Variants in PRRC2C observed in about 807,000 individuals in gnomAD.
PRRC2C encodes proline rich coiled-coil 2C.
Under a neutral mutation model 317.2 loss-of-function variants are expected in PRRC2C, and 72 were observed. That is an observed-to-expected ratio of 0.23 (90% CI 0.19 to 0.28). The LOEUF is 0.28. Ranked by LOEUF, PRRC2C falls within the 10% of genes least tolerant of loss-of-function variation. The pLI is 1.00. For missense variants in PRRC2C, 3,074 were observed against 3,459.7 expected (o/e 0.89, Z 2.80); for synonymous variants, 1,296 against 1,205.9 (o/e 1.07, Z -1.55).
intron 6 of PRRC2C, among the ~76,000 whole-genome samples, chr1:171,518,504 T>A (rs199740375): frequency 9.6e-6 from 1 of 104,176 alleles, no homozygotes; most frequent in South Asian, 3.4e-4. Flanking sequence ...ATTTTTTTTT[T>A]TTTTTTTTTT....
At chr1:171,588,866 A>G (rs181441846) in intron 33 of PRRC2C, among the ~76,000 whole-genome samples, 1 of 152,322 alleles carries the variant, frequency 6.6e-6, no homozygotes, top group Non-Finnish European at 1.5e-5. Flanking sequence ...ATTTATGTGC[A>G]ATTGAGATAA....
At chr1:171,589,231 A>C (rs886565348) in intron 33 of PRRC2C, 138 bp from the exon 34 acceptor site, 4 of 398,660 alleles carry the variant, frequency 1.0e-5, no homozygotes, top group African/African-American at 8.5e-5. Context: ...ATGGAATGGC[A>C]CAATCTGTAC....
Position 171,543,318 on chromosome 1 carries a change from G to A in PRRC2C, c.4763+1089G>A, listed in dbSNP as rs1462714087. On this transcript the variant is annotated intron_variant, in intron 16 of 34. Coordinates refer to ENST00000647382, the MANE Select transcript of PRRC2C (RefSeq NM_001387844.1). ...AGCCTGGGCCACAGAGCGAGACTCC[G>A]TCTCAAAAAAAAAAAAAAAAAAGTT... Among the ~76,000 whole-genome samples, 8 of 143,994 alleles carry A rather than the reference G, an allele frequency of 5.6e-5. 1 individual carries two copies. The highest frequency in any genetic ancestry group is 4.4e-4 in the South Asian group (2 of 4,566). 94.5% of individuals were successfully genotyped at this position (143,994 alleles called of 152,430 possible).
In PRRC2C at chr1:171,591,950, A is replaced by G; in HGVS notation, c.*103A>G. ...AAGGGGCAAAATGGCCTGTGACATT[A>G]TCCTGTTCAGAGCTTGGAGATGTAC... On this transcript the variant is annotated 3_prime_UTR_variant, in exon 35 of 35. Coordinates refer to ENST00000647382, the MANE Select transcript of PRRC2C (RefSeq NM_001387844.1). The G allele has an allele frequency of 1.4e-6, 2 of 1,420,614 alleles. No individual in the cohort carries two copies. The highest frequency in any genetic ancestry group is 9.6e-7 in the Non-Finnish European group (1 of 1,044,142). The allele number at this position is 1,420,614 out of a possible 1,614,324, so 88.0% of individuals were successfully genotyped here. A position where few individuals can be genotyped will look rare whatever the true frequency, so the allele number is the denominator to read the frequency against.
chr1:171,558,730 A>C (rs1342389935), intron 19 of PRRC2C, among the ~76,000 whole-genome samples: 1 of 87,624 alleles, frequency 1.1e-5, no homozygotes, highest in Non-Finnish European at 2.6e-5. Context: ...CTATTCTTTA[A>C]GAACACAACA....
chr1:171,540,152 G>A lies in PRRC2C; in HGVS notation c.2686G>A (p.Ala896Thr), dbSNP rs894001510. Residue 896 changes from alanine (A) to threonine (T), a missense_variant, in exon 16 of 35, where the codon GCT (alanine) becomes ACT (threonine). Around this residue, in one of 11 missense-constraint regions of PRRC2C, gnomAD observed 1,320 missense variants for 1,395.7 expected, o/e 0.95. Coordinates refer to ENST00000647382, the MANE Select transcript of PRRC2C (RefSeq NM_001387844.1). ...CCATACTGATGCAAATAATCAGTCT[G>A]CTTGTTTTGAAGCACCTGATCAAAA... Reference protein sequence around the residue: ...PHHTDANNQSACFEAPDQKTL... With the variant: ...PHHTDANNQSTCFEAPDQKTL... 3 of 1,613,896 alleles carry A rather than the reference G, an allele frequency of 1.9e-6. No homozygotes were observed. Among genetic ancestry groups the A allele is most frequent in the African/African-American group, 1.3e-5 (1 of 75,026 alleles).
chr1:171,488,519 G>A (rs1666540156), intron 1 of PRRC2C, among the ~76,000 whole-genome samples: 1 of 152,244 alleles, frequency 6.6e-6, no homozygotes. Context: ...TTAAGAGACA[G>A]ACCTAACTCT....
chr1:171,557,773 C>G lies in PRRC2C; in HGVS notation c.5661C>G (p.Ala1887=). The G allele has an allele frequency of 6.4e-7, 1 of 1,550,832 alleles. No individual in the cohort carries two copies. The highest frequency in any genetic ancestry group is 8.7e-7 in the Non-Finnish European group (1 of 1,146,510). Residue 1887 remains alanine (A), a synonymous_variant, in exon 19 of 35, where the codon GCC becomes GCG. Coordinates refer to ENST00000647382, the MANE Select transcript of PRRC2C (RefSeq NM_001387844.1). ...CCCCAGCAGCCTCTTCCCCAGCTGCCCCAGTCATCACAGCACCAACTATCC... is the reference window on the plus strand; with the variant it reads ...CCCCAGCAGCCTCTTCCCCAGCTGCGCCAGTCATCACAGCACCAACTATCC... The part of the protein sequence containing the change: ...TPAPAASSPA[A]PVITAPTIPA...
At chr1:171,585,947 C>T (rs1328966299) in intron 30 of PRRC2C, among the ~76,000 whole-genome samples, 1 of 151,460 alleles carries the variant, frequency 6.6e-6, no homozygotes, top group Non-Finnish European at 1.5e-5. Flanking sequence ...TTGTTTCATA[C>T]ATACTTTATA....
chr1:171,566,355 C>G lies in PRRC2C; in HGVS notation c.6240C>G (p.Asp2080Glu), dbSNP rs1386657600. ...CTGTGCTTTCGGAAAAATCTGCTGA[C>G]AAAATACCTGAACCTAAAGAACAGC... The part of the protein sequence containing the change: ...VVPVLSEKSA[D>E]KIPEPKEQRQ... The change falls in exon 21 of 35, where the codon GAC becomes GAG. Residue 2080 changes from aspartate to glutamate, a missense_variant. Around this residue, in one of 11 missense-constraint regions of PRRC2C, gnomAD observed 640 missense variants for 676.1 expected, o/e 0.95. Coordinates refer to ENST00000647382, the MANE Select transcript of PRRC2C (RefSeq NM_001387844.1). The G allele has an allele frequency of 1.3e-6, 2 of 1,597,934 alleles. No individual in the cohort carries two copies. Among genetic ancestry groups the G allele is most frequent in the East Asian group, 2.3e-5 (1 of 44,400 alleles).
At position 171,591,582 on chromosome 1, in the gene PRRC2C, T is replaced by C. The variant is rs767303304; in HGVS notation, c.8437-5T>C. On this transcript the variant is annotated splice_region_variant and splice_polypyrimidine_tract_variant and intron_variant, in intron 34 of 34. Transcript: ENST00000647382. ...ATTTTCAGTTGTTCTTTCTCATTTT[T>C]TAAGGCAAAGCAGAGAGCAGAGGTT... is the stretch of plus-strand genomic sequence containing the variant. 6.2e-7 allele frequency: 1 copy of C among 1,607,976 alleles called. No individual in the cohort carries two copies. The highest frequency in any genetic ancestry group is 8.5e-7 in the Non-Finnish European group (1 of 1,175,778).
chr1:171,583,379 A>G (rs1004548158), intron 28 of PRRC2C, among the ~76,000 whole-genome samples: 1 of 146,940 alleles, frequency 6.8e-6, no homozygotes, highest in African/African-American at 2.5e-5. Context: ...AGGCTAGGCT[A>G]CGCAGGGCTA....
intron 10 of PRRC2C, among the ~76,000 whole-genome samples, chr1:171,526,683 A>G (rs1015661227): frequency 6.6e-6 from 1 of 152,096 alleles, no homozygotes; most frequent in African/African-American, 2.4e-5. Context: ...CCTTACTGAA[A>G]TAGCAGAGTG....
At chr1:171,565,419 C>A (rs1159271427) in intron 20 of PRRC2C, among the ~76,000 whole-genome samples, 1 of 152,132 alleles carries the variant, frequency 6.6e-6, no homozygotes. Context: ...ATCTGATTAG[C>A]ACAAAGAAGA....
Position 171,576,777 on chromosome 1 carries a change from C to G in PRRC2C, c.6956-657C>G, listed in dbSNP as rs533391676. 5.3e-5 allele frequency among the ~76,000 whole-genome samples: 8 copies of G among 152,186 alleles called. No individual in the cohort carries two copies. The East Asian group carries it at 1.5e-3, about 29-fold the overall frequency. The stretch of plus-strand genomic sequence containing the variant: ...ATGTCATCACTGTTCACTGCAGCCT[C>G]AAACTCCTGGGTTCAAGCAATCCTT... On this transcript the variant is annotated intron_variant, in intron 25 of 34. Coordinates refer to ENST00000647382, the MANE Select transcript of PRRC2C (RefSeq NM_001387844.1).
chr1:171,493,042 G>T (rs996810630), intron 1 of PRRC2C, among the ~76,000 whole-genome samples: 1 of 151,460 alleles, frequency 6.6e-6, no homozygotes, highest in Non-Finnish European at 1.5e-5. Context: ...GAGCCACTGC[G>T]CCTGGCCGGG....
Position 171,532,697 on chromosome 1 carries a change from A to G in PRRC2C, c.1609A>G (p.Arg537Gly). 1 of 1,551,196 alleles carries G rather than the reference A, an allele frequency of 6.4e-7. No individual in the cohort carries two copies. Among genetic ancestry groups the G allele is most frequent in the Non-Finnish European group, 8.7e-7 (1 of 1,146,968 alleles). ...GCGAGAGAAGGAGAGGGAAAAAGACAGAGAGAGACAGCAGGAAAAGGAGAA... is the reference window on the plus strand; with the variant it reads ...GCGAGAGAAGGAGAGGGAAAAAGACGGAGAGAGACAGCAGGAAAAGGAGAA... ...QEREKEREKD[R>G]ERQQEKEKEL... The change falls in exon 12 of 35, where the codon AGA (arginine) becomes GGA (glycine). Residue 537 changes from arginine to glycine, a missense_variant. This residue lies in a region of PRRC2C where 1,320 missense variants were observed against 1,395.7 expected (regional missense o/e 0.95). Coordinates refer to ENST00000647382, the MANE Select transcript of PRRC2C (RefSeq NM_001387844.1).
chr1:171,544,207 C>A (rs1272565529), intron 16 of PRRC2C, among the ~76,000 whole-genome samples: 2 of 152,128 alleles, frequency 1.3e-5, no homozygotes, highest in African/African-American at 2.4e-5. Flanking sequence ...ACTGCAACCT[C>A]CACCCCGCTG....
intron 2 of PRRC2C, 139 bp downstream of exon 2, chr1:171,512,339 A>G (rs1671529750): frequency 1.6e-6 from 1 of 638,264 alleles, no homozygotes; most frequent in African/African-American, 1.8e-5. Context: ...GCATGCACAC[A>G]TTTTTCAGAG....
Sources: allele counts gnomAD v4.1 joint callset (sites outside exome capture counted in the v4.1 genomes callset), GRCh38; gene constraint gnomAD v4.1.1; regional missense constraint gnomAD v4.1.1; transcripts MANE v1.5; gene names NCBI Gene and HGNC (gene_info 2026-07-23, HGNC 2026-07-21).